HSPA13: variants seen among roughly 807,000 people sequenced by gnomAD.
HSPA13 encodes heat shock protein family A (Hsp70) member 13, also known as heat shock 70 kDa protein 13.
In HSPA13, 29 loss-of-function variants were observed where a neutral mutation model predicts 38.8. The ratio of observed to expected loss-of-function variants is 0.75; its 90% CI spans 0.56 to 1.02. The LOEUF (loss-of-function observed/expected upper bound fraction) is 1.02, where lower values mean the gene tolerates loss of function less well. HSPA13 is among the 50% of genes least tolerant of loss of function. HSPA13 has a pLI of 0.00. For missense variants in HSPA13, 451 were observed against 560.9 expected (o/e 0.80, Z 1.98); for synonymous variants, 192 against 205.3 (o/e 0.94, Z 0.56).
chr21:14,374,525 T>C (rs992957603), intron 4 of HSPA13, among the ~76,000 whole-genome samples: 1 of 151,980 alleles, frequency 6.6e-6, no homozygotes, highest in Non-Finnish European at 1.5e-5. Context: ...AGGCCAGGAG[T>C]TGGAGACCAG....
intron 3 of HSPA13, among the ~76,000 whole-genome samples, chr21:14,376,766 A>G (rs1984038122): frequency 6.6e-6 from 1 of 152,180 alleles, no homozygotes; most frequent in Non-Finnish European, 1.5e-5. Context: ...TTCTTCCTAC[A>G]ACACACTTTC....
At chr21:14,383,025 C>A in intron 1 of HSPA13, 70 bp downstream of exon 1, 1 of 1,565,938 alleles carries the variant, frequency 6.4e-7, no homozygotes, top group Non-Finnish European at 8.8e-7. Context: ...AGTCAACCAC[C>A]CCTGCCCACT....
chr21:14,376,100 CAA>C (rs907475825), intron 3 of HSPA13, among the ~76,000 whole-genome samples: 1 of 152,156 alleles, frequency 6.6e-6, no homozygotes, highest in Admixed American at 6.5e-5. Flanking sequence ...ACTTAATTTT[CAA>C]AAAGTCTCCC....
chr21:14,381,481 T>C lies in HSPA13; in HGVS notation c.88A>G (p.Thr30Ala). The C allele has an allele frequency of 6.2e-7, 1 of 1,612,946 alleles. No individual in the cohort carries two copies. Among genetic ancestry groups the C allele is most frequent in the Non-Finnish European group, 8.5e-7 (1 of 1,179,212 alleles). The change falls in exon 2 of 5, where the codon ACT (threonine) becomes GCT (alanine). Residue 30 changes from threonine to alanine, a missense_variant. Transcript: ENST00000285667. ...AGATCAATACCAATCACTTTAGGAG[T>C]AGGCAATGGTAAATACTGTTGTGCC... ...YLAQQYLPLP[T>A]PKVIGIDLGT...
At chr21:14,378,673 G>A (rs529034360) in intron 2 of HSPA13, among the ~76,000 whole-genome samples, 5 of 151,288 alleles carry the variant, frequency 3.3e-5, no homozygotes, top group Admixed American at 1.3e-4. Context: ...ACGCTGGAGT[G>A]CGGTGGCATG....
intron 1 of HSPA13, 108 bp from the exon 2 acceptor site, chr21:14,381,651 G>T: frequency 9.7e-7 from 1 of 1,034,164 alleles, no homozygotes; most frequent in South Asian, 2.3e-5. Flanking sequence ...GGCTAAAAAA[G>T]ACAAATTTCA....
At position 14,381,279 on chromosome 21, in the gene HSPA13, T is replaced by C; in HGVS notation, c.290A>G (p.Tyr97Cys). Residue 97 changes from tyrosine (Y) to cysteine (C), a missense_variant, in exon 2 of 5, where the codon TAT (tyrosine) becomes TGT (cysteine). Tyr to Cys is a radical substitution (Grantham distance 194). Coordinates refer to ENST00000285667, the MANE Select transcript of HSPA13 (RefSeq NM_006948.5). ...CTTGCCTATGAATCTTTTGGCATCA[T>C]ATATTGTGTTTTGAGGATTTGAATC... Reference protein sequence around the residue: ...LADSNPQNTIYDAKRFIGKIF... With the variant: ...LADSNPQNTICDAKRFIGKIF... 2.5e-6 allele frequency: 4 copies of C among 1,613,982 alleles called. No homozygotes were observed. The highest frequency in any genetic ancestry group is 3.4e-6 in the Non-Finnish European group (4 of 1,179,920).
At chr21:14,375,875 C>G in intron 3 of HSPA13, 56 bp from the exon 4 acceptor site, 2 of 1,394,464 alleles carry the variant, frequency 1.4e-6, no homozygotes, top group Non-Finnish European at 2.0e-6. Flanking sequence ...CAAGTAATCT[C>G]TTCCCACTTA....
In HSPA13 at chr21:14,383,039, G is replaced by A. The variant is rs1015075437; in HGVS notation, c.25+56C>T. 3.1e-6 allele frequency: 5 copies of A among 1,603,254 alleles called. No homozygotes were observed. In the Admixed American group the frequency reaches 6.7e-5, roughly 21 times the overall value. ...GAGTCAACCACCCCTGCCCACTCTG[G>A]CATCCTCAGATCGCCTCTACGCCCG... On this transcript the variant is annotated intron_variant, in intron 1 of 4. Coordinates refer to ENST00000285667, the MANE Select transcript of HSPA13 (RefSeq NM_006948.5).
In HSPA13 at chr21:14,383,132, G is replaced by C; in HGVS notation, c.-13C>G. The stretch of plus-strand genomic sequence containing the variant: ...TCTCTCTGGCCATCACAGTCCCGCC[G>C]AACAGGCTTGTGATGACTGTACCAG... On this transcript the variant is annotated 5_prime_UTR_variant, in exon 1 of 5. Coordinates refer to ENST00000285667, the MANE Select transcript of HSPA13 (RefSeq NM_006948.5). 1.9e-6 allele frequency: 3 copies of C among 1,613,994 alleles called. No individual in the cohort carries two copies. Among genetic ancestry groups the C allele is most frequent in the Non-Finnish European group, 2.5e-6 (3 of 1,179,970 alleles).
At position 14,381,209 on chromosome 21, in the gene HSPA13, T is replaced by C. The variant is rs200499831; in HGVS notation, c.360A>G (p.Pro120=). Residue 120 remains proline, a synonymous_variant, in exon 2 of 5, where the codon CCA becomes CCG. Coordinates refer to ENST00000285667, the MANE Select transcript of HSPA13 (RefSeq NM_006948.5). ...EELEAEIGRY[P]FKVLNKNGMV... is the part of the protein sequence containing the mutation. ...TTTTAGATTAATCACTTACCTTAAA[T>C]GGGTATCTGCCAATTTCAGCCTCCA... The C allele has an allele frequency of 6.3e-7, 1 of 1,597,090 alleles. No homozygotes were observed. Among genetic ancestry groups the C allele is most frequent in the African/African-American group, 1.3e-5 (1 of 74,736 alleles).
At chr21:14,374,359 G>A (rs895705292) in intron 4 of HSPA13, 75 bp from the exon 5 acceptor site, 45 of 1,026,128 alleles carry the variant, frequency 4.4e-5, no homozygotes, top group Middle Eastern at 2.2e-4. Flanking sequence ...TTATGTATAC[G>A]TAAAAATTAT....
chr21:14,378,282 G>A lies in HSPA13; in HGVS notation c.497C>T (p.Pro166Leu). The change falls in exon 3 of 5, where the codon CCA becomes CTA. Residue 166 changes from proline to leucine, a missense_variant. Pro to Leu is a moderately conservative substitution (Grantham distance 98, BLOSUM62 -3). Coordinates refer to ENST00000285667, the MANE Select transcript of HSPA13 (RefSeq NM_006948.5). ...KEMAEAYLGM[P>L]VANAVISVPA... ...TACAGAAATGACAGCATTGGCAACTGGCATTCCAAGATATGCCTCTGCCAT... is the reference window on the plus strand; with the variant it reads ...TACAGAAATGACAGCATTGGCAACTAGCATTCCAAGATATGCCTCTGCCAT... The A allele has an allele frequency of 1.2e-6, 2 of 1,614,060 alleles. No homozygotes were observed. Among genetic ancestry groups the A allele is most frequent in the East Asian group, 2.2e-5 (1 of 44,868 alleles).
At chr21:14,380,328 A>G (rs1378928603) in intron 2 of HSPA13, among the ~76,000 whole-genome samples, 1 of 151,816 alleles carries the variant, frequency 6.6e-6, no homozygotes, top group Non-Finnish European at 1.5e-5. Context: ...AAGGTCTTTT[A>G]TAGCTCACTA....
At chr21:14,375,961 C>T (rs546683689) in intron 3 of HSPA13, 142 bp from the exon 4 acceptor site, 7 of 584,308 alleles carry the variant, frequency 1.2e-5, no homozygotes, top group African/African-American at 7.4e-5. Context: ...CGAACAGAAG[C>T]ATGAAATGGG....
Position 14,375,666 on chromosome 21 carries a change from GT to G in HSPA13, c.733del (p.Thr245ProfsTer44). The G allele has an allele frequency of 6.2e-7, 1 of 1,613,438 alleles. No homozygotes were observed. The highest frequency in any genetic ancestry group is 8.5e-7 in the Non-Finnish European group (1 of 1,179,566). On this transcript the variant is annotated frameshift_variant, in exon 4 of 5. Coordinates refer to ENST00000285667, the MANE Select transcript of HSPA13 (RefSeq NM_006948.5). LOFTEE classifies it high-confidence loss of function. ...ATTTTTCTTACCAGACATTGCTCGG[GT>G]TAGAAACATCCCTCCTTGTTTATTC... Reference protein sequence around the residue: ...LLNKQGGMFLTRAMSGNNKLG... With the variant: ...LLNKQGGMFLXRAMSGNNKLG...
chr21:14,380,950 G>T (rs1351208161), intron 2 of HSPA13, among the ~76,000 whole-genome samples: 1 of 152,126 alleles, frequency 6.6e-6, no homozygotes, highest in African/African-American at 2.4e-5. Flanking sequence ...CTGCTACCTT[G>T]AAAGAGCTAA....
intron 4 of HSPA13, among the ~76,000 whole-genome samples, chr21:14,374,871 C>G (rs1159617040): frequency 6.6e-6 from 1 of 151,854 alleles, no homozygotes; most frequent in Admixed American, 6.6e-5. Flanking sequence ...TGATTAGGAC[C>G]TGAAAAGGTC....
chr21:14,380,716 T>C (rs977341528), intron 2 of HSPA13, among the ~76,000 whole-genome samples: 2 of 152,064 alleles, frequency 1.3e-5, no homozygotes, highest in African/African-American at 4.8e-5. Context: ...CCAACATTAG[T>C]GAAAAACCAC....
Sources: allele counts gnomAD v4.1 joint callset (sites outside exome capture counted in the v4.1 genomes callset), GRCh38; gene constraint gnomAD v4.1.1; transcripts MANE v1.5; gene names NCBI Gene and HGNC (gene_info 2026-07-23, HGNC 2026-07-21).